Variants in ASIC4 observed in about 807,000 individuals in gnomAD.
ASIC4 encodes the protein acid sensing ion channel subunit family member 4, also known as acid-sensing ion channel 4.
A neutral mutation model predicts 53.4 loss-of-function variants in ASIC4; 28 were observed. That is an observed-to-expected ratio of 0.52 (90% confidence interval 0.39 to 0.72). The LOEUF (loss-of-function observed/expected upper bound fraction) is 0.72. Ranked by LOEUF, ASIC4 falls within the 30% of genes least tolerant of loss-of-function variation. The pLI, the probability that ASIC4 is intolerant of heterozygous loss-of-function variation, is 0.00. For missense variants in ASIC4, 649 were observed against 729.7 expected, an observed-to-expected ratio of 0.89 and a Z score of 1.27; for synonymous variants, 289 against 301.4, an observed-to-expected ratio of 0.96 and a Z score of 0.43.
rs1232762188 is a variant in ASIC4 at position 219,531,829 on chromosome 2, G to A, written c.654G>A (p.Gly218=). ...DPRSSLPSRA[G]GMGSGLEIML... ...GGAGCTCGCTGCCCAGCCGGGCAGG[G>A]GGCATGGGCAGTGGCCTGGAGATCA... The change falls in exon 2 of 10, where the codon GGG becomes GGA. Residue 218 remains glycine, a synonymous_variant. Coordinates refer to ENST00000358078, the MANE Select transcript of ASIC4 (RefSeq NM_018674.6). 6.2e-7 allele frequency: 1 copy of A among 1,613,732 alleles called. No individual in the cohort carries two copies. The highest frequency in any genetic ancestry group is 2.2e-5 in the East Asian group (1 of 44,894).
intron 5 of ASIC4, 57 bp from the exon 6 acceptor site, chr2:219,535,113 TG>T (rs1695106201): frequency 1.9e-6 from 3 of 1,563,544 alleles, no homozygotes. Context: ...CTGCAGCTGG[TG>T]GGCCACTGGA....
upstream of ASIC4, among the ~76,000 whole-genome samples, chr2:219,513,541 T>C (rs574349149): frequency 3.9e-5 from 6 of 152,232 alleles, no homozygotes; most frequent in African/African-American, 1.4e-4. Context: ...CCTGCTCCCT[T>C]CCACGCCCCC....
Position 219,516,403 on chromosome 2 carries a change from T to G in ASIC4, c.582+1097T>G, listed in dbSNP as rs1694789390. 6.6e-6 allele frequency among the ~76,000 whole-genome samples: 1 copy of G among 151,952 alleles called. No individual in the cohort carries two copies. On this transcript the variant is annotated intron_variant, in intron 1 of 9. Transcript: ENST00000358078. The surrounding 1 kb of genome is among the most constrained non-coding windows in gnomAD (Gnocchi z 4.9). ...GGTGTGAGCTTGGGCTGCTCTGCCA[T>G]GCACGCCTCCCACAGTCAGGTATGT...
Position 219,518,962 on chromosome 2 carries a change from G to A in ASIC4, c.582+3656G>A, listed in dbSNP as rs989381612. Among the ~76,000 whole-genome samples the A allele has an allele frequency of 1.3e-5, 2 of 152,276 alleles. No homozygotes were observed. The highest frequency in any genetic ancestry group is 2.1e-4 in the South Asian group (1 of 4,822). On this transcript the variant is annotated intron_variant, in intron 1 of 9. Coordinates refer to ENST00000358078, the MANE Select transcript of ASIC4 (RefSeq NM_018674.6). This position sits in a 1 kb window ranked among gnomAD's most constrained non-coding sequence, Gnocchi z 4.8. ...GTTGTTGCCCAGGCTGGAGTGCAGC[G>A]GCGCGATCTCGGCTCACTACAGGCT...
At position 219,514,938 on chromosome 2, in the gene ASIC4, C is replaced by T. The variant is rs1470680774; in HGVS notation, c.214C>T (p.Leu72=). The T allele has an allele frequency of 6.2e-7, 1 of 1,613,186 alleles. No homozygotes were observed. Among genetic ancestry groups the T allele is most frequent in the Non-Finnish European group, 8.5e-7 (1 of 1,179,880 alleles). ...PHGLRRTLWA[L]ALLTSLAAFL... The stretch of plus-strand genomic sequence containing the variant: ...CGGACTGCGCAGAACCCTGTGGGCA[C>T]TGGCCCTACTCACCTCGCTGGCTGC... The change falls in exon 1 of 10, where the codon CTG becomes TTG. Residue 72 remains leucine (L), a synonymous_variant. Transcript: ENST00000358078.
chr2:219,535,327 A>G lies in ASIC4; in HGVS notation c.1229+3A>G, dbSNP rs1695113618. On this transcript the variant is annotated splice_donor_region_variant and intron_variant, in intron 6 of 9. Transcript: ENST00000358078. Reference sequence around the variant, plus strand: ...AACCGCAACGAGACCTACATACGGTATGTGTGTGTGTGTGTGGGGGGTGGC... The same window carrying G: ...AACCGCAACGAGACCTACATACGGTGTGTGTGTGTGTGTGTGGGGGGTGGC... The G allele has an allele frequency of 6.5e-7, 1 of 1,533,572 alleles. No homozygotes were observed. The highest frequency in any genetic ancestry group is 1.2e-5 in the South Asian group (1 of 86,844). 95.0% of individuals were successfully genotyped at this position (1,533,572 alleles called of 1,614,324 possible).
At chr2:219,532,572 A>C (rs1220606745) in intron 4 of ASIC4, 95 bp downstream of exon 4, 11 of 1,476,680 alleles carry the variant, frequency 7.4e-6, no homozygotes, top group Admixed American at 2.0e-5. Flanking sequence ...AGGCAGGTGC[A>C]TGTATACAAC....
chr2:219,533,637 G>A (rs1057192238), intron 5 of ASIC4: 1 of 154,226 alleles, frequency 6.5e-6, no homozygotes, highest in African/African-American at 2.4e-5. Flanking sequence ...TGCAAAGGGG[G>A]ACATACACTG....
chr2:219,510,312 C>G (rs1293835564), upstream of ASIC4, among the ~76,000 whole-genome samples: 3 of 152,240 alleles, frequency 2.0e-5, no homozygotes, highest in Admixed American at 6.5e-5. The surrounding 1 kb of genome is among the most constrained non-coding windows in gnomAD (Gnocchi z 5.2). Flanking sequence ...CCCTCTCCCC[C>G]TCCTTCCTCA....
chr2:219,509,878 G>A (rs1264795227), upstream of ASIC4, among the ~76,000 whole-genome samples: 1 of 152,126 alleles, frequency 6.6e-6, no homozygotes, highest in African/African-American at 2.4e-5. This position sits in a 1 kb window ranked among gnomAD's most constrained non-coding sequence, Gnocchi z 5.2. Context: ...TGTGTTCTCA[G>A]TCTAGCCTTC....
At chr2:219,526,905 G>T (rs1020078216) in intron 1 of ASIC4, among the ~76,000 whole-genome samples, 2 of 152,182 alleles carry the variant, frequency 1.3e-5, no homozygotes, top group East Asian at 3.9e-4. Flanking sequence ...ACCAAAGGAG[G>T]ACATGGGGGT....
Position 219,514,694 on chromosome 2 carries a change from G to A in ASIC4, c.-31G>A. The A allele has an allele frequency of 1.2e-6, 2 of 1,613,488 alleles. No individual in the cohort carries two copies. The highest frequency in any genetic ancestry group is 1.7e-6 in the Non-Finnish European group (2 of 1,179,946). ...TGGCTAGGGAGGGACAGGGCAGGGA[G>A]GCTCTGGCCAGTCCCAGCAGCCGGG... On this transcript the variant is annotated 5_prime_UTR_variant, in exon 1 of 10. Transcript: ENST00000358078.
chr2:219,532,522 G>T, intron 4 of ASIC4, 45 bp downstream of exon 4: 1 of 1,587,560 alleles, frequency 6.3e-7, no homozygotes, highest in Non-Finnish European at 8.6e-7. Flanking sequence ...ACCCTGCTAG[G>T]CTCCAGAGCC....
chr2:219,537,878 TG>T lies in ASIC4; in HGVS notation c.1507-50del. The T allele has an allele frequency of 2.6e-6, 4 of 1,510,174 alleles. No homozygotes were observed. The highest frequency in any genetic ancestry group is 2.7e-6 in the Non-Finnish European group (3 of 1,106,244). 93.5% of individuals were successfully genotyped at this position (1,510,174 alleles called of 1,614,324 possible). ...AAGGAAAGGCTGGCGGTGTGAGCCC[TG>T]GGGGCACCACTTGAGCTCTCCCGGT... On this transcript the variant is annotated intron_variant, in intron 9 of 9. Coordinates refer to ENST00000358078, the MANE Select transcript of ASIC4 (RefSeq NM_018674.6). The surrounding 1 kb of genome is among the most constrained non-coding windows in gnomAD (Gnocchi z 4.9).
intron 1 of ASIC4, among the ~76,000 whole-genome samples, chr2:219,525,149 C>A (rs1166184993): frequency 6.6e-6 from 1 of 152,196 alleles, no homozygotes; most frequent in Non-Finnish European, 1.5e-5. Context: ...ATGTTATGAG[C>A]CTCCTGTGTA....
chr2:219,514,285 C>T, upstream of ASIC4: 5 of 1,472,944 alleles, frequency 3.4e-6, no homozygotes, highest in Admixed American at 2.4e-5. Context: ...GCCCGTGCTG[C>T]CGGTGAAACG....
At chr2:219,535,987 G>A (rs1336877683) in intron 6 of ASIC4, among the ~76,000 whole-genome samples, 1 of 152,088 alleles carries the variant, frequency 6.6e-6, no homozygotes, top group Non-Finnish European at 1.5e-5. Context: ...TGGCCAGGCT[G>A]GTCTTAAACT....
Position 219,514,734 on chromosome 2 carries a change from G to A in ASIC4, c.10G>A (p.Glu4Lys), listed in dbSNP as rs757394407. MPI[E>K]IVCKIKFAEE... ...CAGCAGCCGGGGACAGATGCCGATC[G>A]AGATTGTGTGCAAAATCAAATTTGC... Residue 4 changes from glutamate (E) to lysine (K), a missense_variant, in exon 1 of 10, where the codon GAG (glutamate) becomes AAG (lysine). Coordinates refer to ENST00000358078, the MANE Select transcript of ASIC4 (RefSeq NM_018674.6). 4.3e-6 allele frequency: 7 copies of A among 1,613,516 alleles called. No homozygotes were observed. The highest frequency in any genetic ancestry group is 2.7e-5 in the African/African-American group (2 of 74,914).
At chr2:219,510,570 C>G (rs1694687838), upstream of ASIC4, among the ~76,000 whole-genome samples, 1 of 152,216 alleles carries the variant, frequency 6.6e-6, no homozygotes, top group Non-Finnish European at 1.5e-5. This position sits in a 1 kb window ranked among gnomAD's most constrained non-coding sequence, Gnocchi z 5.2. Flanking sequence ...CCTGCCCTCC[C>G]TTTCCTGGTG....
Sources: gnomAD v4.1 joint callset for allele counts (sites outside exome capture counted in the v4.1 genomes callset) on GRCh38, gnomAD v4.1.1 for gene constraint, Gnocchi (gnomAD v3.1) non-coding constraint, MANE v1.5 for transcripts, NCBI Gene and HGNC (gene_info 2026-07-23, HGNC 2026-07-21) for gene names.